RRP7A: variants seen among roughly 807,000 people sequenced by gnomAD.
The protein encoded by RRP7A is ribosomal RNA-processing protein 7 homolog A.
RRP7A carries 27 observed loss-of-function variants against 38.4 expected under a neutral mutation model. That is an observed-to-expected ratio of 0.70 (90% CI 0.52 to 0.97). RRP7A has a LOEUF of 0.97. RRP7A is among the 50% of genes least tolerant of loss of function. The pLI, the probability that RRP7A is intolerant of heterozygous loss-of-function variation, is 0.00. For synonymous variants in RRP7A, 124 were observed against 150.3 expected (o/e 0.83, Z 1.28); for missense variants, 327 against 375.4 (o/e 0.87, Z 1.07).
At chr22:42,518,209 C>T (rs1920936466) in intron 1 of RRP7A, 62 bp from the exon 2 acceptor site, 1 of 1,366,062 alleles carries the variant, frequency 7.3e-7, no homozygotes, top group African/African-American at 1.4e-5. Context: ...CAGCGAGACA[C>T]TCACACAACT....
Position 42,511,951 on chromosome 22 carries a change from T to C in RRP7A, c.*959A>G, listed in dbSNP as rs1392638459. The stretch of plus-strand genomic sequence containing the variant: ...AGGTTAGACATCTCCTGGGGTGCTA[T>C]GGACTGTCGGGGCTCCAAGGAGCCG... On this transcript the variant is annotated 3_prime_UTR_variant, in exon 7 of 7. Coordinates refer to ENST00000323013, the MANE Select transcript of RRP7A (RefSeq NM_015703.5). The C allele has an allele frequency of 1.0e-5, 7 of 687,866 alleles. No individual in the cohort carries two copies. The highest frequency in any genetic ancestry group is 1.7e-5 in the South Asian group (1 of 58,376). The allele number at this position is 687,866 out of a possible 1,614,324, so 42.6% of individuals were successfully genotyped here.
At chr22:42,515,725 G>T (rs1482592503) in intron 3 of RRP7A, among the ~76,000 whole-genome samples, 1 of 152,208 alleles carries the variant, frequency 6.6e-6, no homozygotes, top group Admixed American at 6.5e-5. Context: ...AGCTCCCTCA[G>T]TGGGGAAGCA....
At chr22:42,519,136 C>A (rs1415054229) in intron 1 of RRP7A, among the ~76,000 whole-genome samples, 4 of 149,632 alleles carry the variant, frequency 2.7e-5, no homozygotes, top group African/African-American at 9.9e-5. Context: ...AGCCAGACCA[C>A]GTGGCCCACA....
intron 1 of RRP7A, chr22:42,518,590 T>C (rs1920937766): frequency 4.3e-6 from 2 of 463,320 alleles, no homozygotes; most frequent in Non-Finnish European, 9.0e-6. Flanking sequence ...ACCTGGCGTG[T>C]CACCCTCTTC....
intron 2 of RRP7A, among the ~76,000 whole-genome samples, chr22:42,516,718 G>A (rs573307148): frequency 7.2e-5 from 11 of 152,320 alleles, no homozygotes; most frequent in African/African-American, 2.6e-4. Context: ...CCTATGCTAT[G>A]ACAGTTGGGA....
rs1182719264 is a variant in RRP7A at position 42,512,156 on chromosome 22, C to G, written c.*754G>C. Reference sequence around the variant, plus strand: ...TGGAAGTCCCAGGCAATCACTGTGTCCACATGAGCGAACCCCAGCACGTGG... The same window carrying G: ...TGGAAGTCCCAGGCAATCACTGTGTGCACATGAGCGAACCCCAGCACGTGG... On this transcript the variant is annotated 3_prime_UTR_variant, in exon 7 of 7. Transcript: ENST00000323013. 17 of 1,560,572 alleles carry G rather than the reference C, an allele frequency of 1.1e-5. No homozygotes were observed. Among genetic ancestry groups the G allele is most frequent in the Non-Finnish European group, 1.4e-5 (16 of 1,132,444 alleles).
intron 6 of RRP7A, among the ~76,000 whole-genome samples, chr22:42,513,681 C>T (rs1378330018): frequency 1.8e-5 from 2 of 109,308 alleles, no homozygotes; most frequent in Admixed American, 8.3e-5. Context: ...GGGTCCTGTG[C>T]GGGGCCACCT....
Position 42,509,143 on chromosome 22 carries a change from C to G in RRP7A, c.*3767G>C, listed in dbSNP as rs747843767. The G allele has an allele frequency of 6.2e-6, 10 of 1,613,630 alleles. No individual in the cohort carries two copies. Among genetic ancestry groups the G allele is most frequent in the African/African-American group, 2.7e-5 (2 of 74,914 alleles). On this transcript the variant is annotated 3_prime_UTR_variant, in exon 7 of 7. Coordinates refer to ENST00000323013, the MANE Select transcript of RRP7A (RefSeq NM_015703.5). The stretch of plus-strand genomic sequence containing the variant: ...TGGACCCATCCCCTTCAGTCACCCC[C>G]CAAGGAGACATGGGCGCCAGGAATC...
rs753223595 is a variant in RRP7A, at chr22:42,516,228, G to A, written c.217-92C>T. 13 of 1,539,544 alleles carry A rather than the reference G, an allele frequency of 8.4e-6. No homozygotes were observed. The East Asian group carries it at 9.4e-5, about 11-fold the overall frequency. On this transcript the variant is annotated intron_variant, in intron 2 of 6. Coordinates refer to ENST00000323013, the MANE Select transcript of RRP7A (RefSeq NM_015703.5). ...TGGGTGGCGCTGCCAGGGGTCCAGC[G>A]CCGCTGAAGGACTCAGCCACAGCCA...
chr22:42,515,917 A>G, intron 3 of RRP7A, 94 bp downstream of exon 3: 2 of 1,436,274 alleles, frequency 1.4e-6, no homozygotes, highest in Non-Finnish European at 1.9e-6. Flanking sequence ...AGGACCAGAG[A>G]ATGCTCTGAT....
Position 42,519,777 on chromosome 22 carries a change from G to T in RRP7A, c.10C>A (p.Arg4Ser), listed in dbSNP as rs773233078. The T allele has an allele frequency of 1.4e-5, 20 of 1,444,844 alleles. No individual in the cohort carries two copies. The South Asian group carries it at 2.0e-4, about 15-fold the overall frequency. 89.5% of individuals were successfully genotyped at this position (1,444,844 alleles called of 1,614,324 possible). MVA[R>S]RRKCAARDPE... ...TCCCGCGCGGCGCACTTCCTCCTGCGCGCCACCATCTTGCCACCCGGGAGC... is the reference window on the plus strand; with the variant it reads ...TCCCGCGCGGCGCACTTCCTCCTGCTCGCCACCATCTTGCCACCCGGGAGC... The change falls in exon 1 of 7, where the codon CGC becomes AGC. Residue 4 changes from arginine to serine, a missense_variant. Arg to Ser is a moderately radical substitution (Grantham distance 110). This residue lies in a region of RRP7A where 183 missense variants were observed against 141.8 expected (regional missense o/e 1.29). Coordinates refer to ENST00000323013, the MANE Select transcript of RRP7A (RefSeq NM_015703.5).
rs777551078 is a variant in RRP7A, at chr22:42,508,838, C to T, written c.*4072G>A. Among the ~76,000 whole-genome samples, 9 of 152,186 alleles carry T rather than the reference C, an allele frequency of 5.9e-5. No homozygotes were observed. The highest frequency in any genetic ancestry group is 7.3e-5 in the Non-Finnish European group (5 of 68,032). On this transcript the variant is annotated 3_prime_UTR_variant, in exon 7 of 7. Coordinates refer to ENST00000323013, the MANE Select transcript of RRP7A (RefSeq NM_015703.5). ...GAGGGGAGAACAGACTTGGAGAGGG[C>T]AGGAGTCTCTGGCCACCAGGGGCTA... is the stretch of plus-strand genomic sequence containing the variant.
rs1601803321 is a variant in RRP7A at position 42,510,967 on chromosome 22, C to G, written c.*1943G>C. 1 of 227,446 alleles carries G rather than the reference C, an allele frequency of 4.4e-6. No homozygotes were observed. The highest frequency in any genetic ancestry group is 7.7e-6 in the Non-Finnish European group (1 of 129,638). The allele number at this position is 227,446 out of a possible 1,614,324, so 14.1% of individuals were successfully genotyped here. On this transcript the variant is annotated 3_prime_UTR_variant, in exon 7 of 7. Coordinates refer to ENST00000323013, the MANE Select transcript of RRP7A (RefSeq NM_015703.5). ...AGGTTCTTTACCATCCTCAAGTACC[C>G]ACCCCTCCTTCTTGGGGCCAGGCAC...
chr22:42,508,874 G>A lies in RRP7A; in HGVS notation c.*4036C>T, dbSNP rs1309663181. ...GGCCACCAGGGGCTAAAGAGCCTTC[G>A]ATGAGGCAGTGATGTGGGGTCCTGG... On this transcript the variant is annotated 3_prime_UTR_variant, in exon 7 of 7. Coordinates refer to ENST00000323013, the MANE Select transcript of RRP7A (RefSeq NM_015703.5). 2.6e-5 allele frequency among the ~76,000 whole-genome samples: 4 copies of A among 152,210 alleles called. No homozygotes were observed. Among genetic ancestry groups the A allele is most frequent in the East Asian group, 1.9e-4 (1 of 5,200 alleles).
rs1194698679 is a variant in RRP7A, at chr22:42,509,737, G to A, written c.*3173C>T. Among the ~76,000 whole-genome samples, 5 of 150,102 alleles carry A rather than the reference G, an allele frequency of 3.3e-5. No individual in the cohort carries two copies. The highest frequency in any genetic ancestry group is 7.3e-5 in the African/African-American group (3 of 40,964). ...TAAGTGGATGAAGTCAGACACAACC[G>A]TCTACGTGTTGTATGGCTGCATTCA... On this transcript the variant is annotated 3_prime_UTR_variant, in exon 7 of 7. Transcript: ENST00000323013.
chr22:42,519,682 C>T (rs1754537244), intron 1 of RRP7A, 32 bp downstream of exon 1: 2 of 1,435,566 alleles, frequency 1.4e-6, no homozygotes, highest in Non-Finnish European at 1.8e-6. Context: ...GATGCCTGAC[C>T]GCCCCCGGTC....
In RRP7A at chr22:42,512,823, G is replaced by C; in HGVS notation, c.*87C>G. On this transcript the variant is annotated 3_prime_UTR_variant, in exon 7 of 7. Transcript: ENST00000323013. ...CCTTCAACCTGGGGCCCGTTGGCCA[G>C]AGCTCGGCCTCTCAGAGACCGCTGC... 7.1e-7 allele frequency: 1 copy of C among 1,401,182 alleles called. No individual in the cohort carries two copies. The highest frequency in any genetic ancestry group is 1.2e-5 in the South Asian group (1 of 83,952). 86.8% of individuals were successfully genotyped at this position (1,401,182 alleles called of 1,614,324 possible).
At position 42,512,916 on chromosome 22, in the gene RRP7A, C is replaced by T. The variant is rs146115534; in HGVS notation, c.837G>A (p.Pro279=). The change falls in exon 7 of 7, where the codon CCG becomes CCA. Residue 279 remains proline, a synonymous_variant. Coordinates refer to ENST00000323013, the MANE Select transcript of RRP7A (RefSeq NM_015703.5). ...ELLRAQRKFR[P]Y ...TCACTGCGGCTCTCACAGCTCAGTACGGTCGGAATTTGCGCTGGGCCCGCA... is the reference window on the plus strand; with the variant it reads ...TCACTGCGGCTCTCACAGCTCAGTATGGTCGGAATTTGCGCTGGGCCCGCA... 9.5e-5 allele frequency: 153 copies of T among 1,612,516 alleles called. 2 individuals carry two copies. In the African/African-American group the frequency reaches 1.0e-3, roughly 11 times the overall value.
Position 42,508,990 on chromosome 22 carries a change from C to T in RRP7A, c.*3920G>A, listed in dbSNP as rs1932356615. ...TTTCGTGCCCACGAGAGTGCCTGTG[C>T]CTTGTGACGAGAATTCACCATGTTT... On this transcript the variant is annotated 3_prime_UTR_variant, in exon 7 of 7. Coordinates refer to ENST00000323013, the MANE Select transcript of RRP7A (RefSeq NM_015703.5). 1 of 1,612,700 alleles carries T rather than the reference C, an allele frequency of 6.2e-7. No homozygotes were observed. The highest frequency in any genetic ancestry group is 1.3e-5 in the African/African-American group (1 of 75,020).
Sources: gnomAD v4.1 joint callset for allele counts (sites outside exome capture counted in the v4.1 genomes callset) on GRCh38, gnomAD v4.1.1 for gene constraint, gnomAD v4.1.1 regional missense constraint, MANE v1.5 for transcripts, NCBI Gene and HGNC (gene_info 2026-07-23, HGNC 2026-07-21) for gene names.